CNST: variants seen among roughly 807,000 people sequenced by gnomAD.
CNST encodes the protein consortin, connexin sorting protein, also known as consortin.
CNST carries 39 observed loss-of-function variants against 72.4 expected under a neutral mutation model. The observed-to-expected ratio is 0.54, with a 90% CI of 0.42 to 0.70. CNST has a LOEUF of 0.70. Among genes scored for constraint, CNST ranks in the 30% least tolerant of loss-of-function variants. The probability of loss-of-function intolerance (pLI) is 0.00; values close to 1 mark genes in which losing one functional copy is unlikely to be tolerated. For missense variants in CNST, 871 were observed against 868.5 expected (o/e 1.00, Z -0.04); for synonymous variants, 332 against 320.1 (o/e 1.04, Z -0.40).
At chr1:246,654,480 A>G (rs1044768107) in intron 9 of CNST, among the ~76,000 whole-genome samples, 1 of 152,202 alleles carries the variant, frequency 6.6e-6, no homozygotes, top group African/African-American at 2.4e-5. Flanking sequence ...ATTCCTCGGA[A>G]CTTCAAATGA....
intron 3 of CNST, among the ~76,000 whole-genome samples, chr1:246,622,359 A>AC (rs1237671382): frequency 2.0e-5 from 3 of 152,216 alleles, no homozygotes; most frequent in African/African-American, 7.2e-5. Context: ...GTTAGAGTAA[A>AC]CATATGTTAA....
intron 3 of CNST, 94 bp downstream of exon 3, chr1:246,621,728 C>T (rs962442552): frequency 9.3e-7 from 1 of 1,078,646 alleles, no homozygotes; most frequent in Non-Finnish European, 1.4e-6. Context: ...GGCGCAGTGG[C>T]TCATGCCTGT....
In CNST at chr1:246,648,030, T is replaced by C. The variant is rs1666223842; in HGVS notation, c.1829T>C (p.Ile610Thr). 6.2e-7 allele frequency: 1 copy of C among 1,604,008 alleles called. No individual in the cohort carries two copies. Among genetic ancestry groups the C allele is most frequent in the African/African-American group, 1.3e-5 (1 of 74,376 alleles). Residue 610 changes from isoleucine to threonine, a missense_variant, in exon 9 of 11, where the codon ATT becomes ACT. Coordinates refer to ENST00000366513, the MANE Select transcript of CNST (RefSeq NM_152609.3). ...GATGATCTTGCCAAAAGGATAGAGA[T>C]TGCAGAGGTAAATCAGAGATGAAGT... The part of the protein sequence containing the change: ...SLDDLAKRIE[I>T]AEVVPTEGLV...
At position 246,633,952 on chromosome 1, in the gene CNST, A is replaced by AG. The variant is rs1664961518; in HGVS notation, c.646dup (p.Glu216GlyfsTer6). 1 of 1,612,756 alleles carries AG rather than the reference A, an allele frequency of 6.2e-7. No individual in the cohort carries two copies. Among genetic ancestry groups the AG allele is most frequent in the Non-Finnish European group, 8.5e-7 (1 of 1,178,752 alleles). On this transcript the variant is annotated frameshift_variant, in exon 5 of 11. Coordinates refer to ENST00000366513, the MANE Select transcript of CNST (RefSeq NM_152609.3). LOFTEE classifies it high-confidence loss of function. ...AGAAAGCAATGAAATTCATTCAGCT[A>AG]GAACGATTGTATCATGAGCAATTGC...
intron 9 of CNST, among the ~76,000 whole-genome samples, chr1:246,649,426 C>A (rs1288965241): frequency 6.6e-6 from 1 of 152,140 alleles, no homozygotes; most frequent in Non-Finnish European, 1.5e-5. Flanking sequence ...GGTATTCATT[C>A]TCTTGTACAT....
intron 1 of CNST, among the ~76,000 whole-genome samples, chr1:246,574,699 G>T (rs138361808): frequency 2.0e-5 from 3 of 151,874 alleles, no homozygotes; most frequent in African/African-American, 7.3e-5. Flanking sequence ...AGCACAATAC[G>T]TGTATTTTTC....
intron 3 of CNST, among the ~76,000 whole-genome samples, chr1:246,626,613 C>T (rs554649428): frequency 6.6e-6 from 1 of 151,652 alleles, no homozygotes; most frequent in South Asian, 2.1e-4. Context: ...CGTGCCACCA[C>T]ACCTGGCTAA....
At chr1:246,608,760 A>G (rs1663099216) in intron 2 of CNST, among the ~76,000 whole-genome samples, 1 of 152,180 alleles carries the variant, frequency 6.6e-6, no homozygotes, top group South Asian at 2.1e-4. Context: ...CTGGAGTTTC[A>G]TGAGGTTCGT....
chr1:246,591,968 C>T (rs1661574533), intron 2 of CNST, 27 bp downstream of exon 2: 10 of 1,539,554 alleles, frequency 6.5e-6, no homozygotes, highest in Non-Finnish European at 7.9e-6. Flanking sequence ...TATTTATCCT[C>T]TTCTTTAATT....
intron 5 of CNST, 138 bp from the exon 6 acceptor site, chr1:246,634,335 T>G: frequency 1.7e-6 from 1 of 584,392 alleles, no homozygotes; most frequent in South Asian, 2.4e-5. Flanking sequence ...AAGTTAGTTA[T>G]TTCTAACTGT....
rs189600114 is a variant in CNST, at chr1:246,567,384, A to G, written c.-52+721A>G. 2.2e-4 allele frequency among the ~76,000 whole-genome samples: 33 copies of G among 152,068 alleles called. No individual in the cohort carries two copies. In the East Asian group the frequency reaches 5.0e-3, roughly 23 times the overall value. ...TTTTTTACCTATTGGGCAATGTTAG[A>G]AGACACGGTTCTTTGAGAGTGTTTT... On this transcript the variant is annotated intron_variant, in intron 1 of 10. Transcript: ENST00000366513.
At chr1:246,595,318 C>T (rs567104966) in intron 2 of CNST, among the ~76,000 whole-genome samples, 14 of 152,294 alleles carry the variant, frequency 9.2e-5, no homozygotes, top group South Asian at 2.1e-4. Context: ...GAACTTGCTT[C>T]AGCCTGTCGT....
At chr1:246,605,829 G>GGTGTCTTCCGGCCGGGGTGC (rs1469225744) in intron 2 of CNST, 2 of 64,272 alleles carry the variant, frequency 3.1e-5, no homozygotes, top group African/African-American at 8.8e-5. Context: ...AGCCGGGGTA[G>GGTGTCTTCCGGCCGGGGTGC]GTGTCTTCCG....
chr1:246,662,578 A>G (rs762406639), intron 10 of CNST, among the ~76,000 whole-genome samples: 1 of 152,022 alleles, frequency 6.6e-6, no homozygotes, highest in Non-Finnish European at 1.5e-5. Flanking sequence ...TAGTAGAGAC[A>G]GGGGGTTTCA....
At chr1:246,593,740 C>T (rs978106327) in intron 2 of CNST, among the ~76,000 whole-genome samples, 2 of 151,992 alleles carry the variant, frequency 1.3e-5, no homozygotes, top group Non-Finnish European at 2.9e-5. Context: ...GGCAAATTCA[C>T]CAGGCCTCTC....
rs1019525580 is a variant in CNST at position 246,607,997 on chromosome 1, C to T, written c.380-13432C>T. On this transcript the variant is annotated intron_variant, in intron 2 of 10. Coordinates refer to ENST00000366513, the MANE Select transcript of CNST (RefSeq NM_152609.3). ...TCGGGAGGCTGAGGCAGGAGAATCC[C>T]TTGAACCGGGGAGGTGAACATTGCA... 7.2e-5 allele frequency: 11 copies of T among 152,090 alleles called. No homozygotes were observed. In the East Asian group the frequency reaches 1.9e-3, roughly 27 times the overall value. 9.4% of individuals were successfully genotyped at this position (152,090 alleles called of 1,614,324 possible).
chr1:246,586,919 T>A (rs1661236933), intron 1 of CNST, among the ~76,000 whole-genome samples: 1 of 152,162 alleles, frequency 6.6e-6, no homozygotes, highest in Admixed American at 6.5e-5. Flanking sequence ...AAAATGATTA[T>A]AGTGGTTAAG....
chr1:246,645,111 A>G (rs574650836), intron 8 of CNST, among the ~76,000 whole-genome samples: 44 of 152,258 alleles, frequency 2.9e-4, no homozygotes, highest in African/African-American at 8.4e-4. Context: ...GGGAGGTGCT[A>G]TGAACTCTAC....
At chr1:246,573,188 A>C (rs1156998602) in intron 1 of CNST, among the ~76,000 whole-genome samples, 1 of 152,214 alleles carries the variant, frequency 6.6e-6, no homozygotes, top group African/African-American at 2.4e-5. Context: ...AAGTATTTTA[A>C]AAATTTTGTT....
Sources: gnomAD v4.1 joint callset for allele counts (sites outside exome capture counted in the v4.1 genomes callset) on GRCh38, gnomAD v4.1.1 for gene constraint, MANE v1.5 for transcripts, NCBI Gene and HGNC (gene_info 2026-07-23, HGNC 2026-07-21) for gene names.